RELN: variants seen among roughly 807,000 people sequenced by gnomAD.
The protein encoded by RELN is reelin.
A neutral mutation model predicts 427.6 loss-of-function variants in RELN; 108 were observed. The observed-to-expected ratio is 0.25, with a 90% CI of 0.22 to 0.30. The LOEUF is 0.30. RELN is among the 10% of genes least tolerant of loss of function. The pLI is 1.00. For synonymous variants in RELN, 1,524 were observed against 1,513.4 expected, an observed-to-expected ratio of 1.01 and a Z score of -0.16; for missense variants, 3,715 against 4,302.8, an observed-to-expected ratio of 0.86 and a Z score of 3.82.
At position 103,652,755 on chromosome 7, in the gene RELN, G is replaced by A. The variant is rs1406679442; in HGVS notation, c.1559C>T (p.Pro520Leu). Reference protein sequence around the residue: ...DTLSYSSYKVPSLVSVVINPE... With the variant: ...DTLSYSSYKVLSLVSVVINPE... The stretch of plus-strand genomic sequence containing the variant: ...ATTGATGACCACAGAAACCAAAGAC[G>A]GAACCTTTCAAACAAAGGAGACCAG... The change falls in exon 14 of 65, where the codon CCG (proline) becomes CTG (leucine). Residue 520 changes from proline (P) to leucine (L), a missense_variant. This residue lies in a region of RELN where 2,208 missense variants were observed against 2,361.7 expected (regional missense o/e 0.93). Transcript: ENST00000428762. 2 of 1,612,370 alleles carry A rather than the reference G, an allele frequency of 1.2e-6. No individual in the cohort carries two copies. The highest frequency in any genetic ancestry group is 2.2e-5 in the East Asian group (1 of 44,766).
rs1046846862 is a variant in RELN at position 103,622,296 on chromosome 7, A to G, written c.2702+7644T>C. Among the ~76,000 whole-genome samples the G allele has an allele frequency of 2.0e-5, 3 of 152,172 alleles. No individual in the cohort carries two copies. In the East Asian group the frequency reaches 5.8e-4, roughly 29 times the overall value. On this transcript the variant is annotated intron_variant, in intron 20 of 64. Coordinates refer to ENST00000428762, the MANE Select transcript of RELN (RefSeq NM_005045.4). ...TGGCCATTAAATTCATCCCTTAGGC[A>G]GGTCCTGATCATTACTACATCCTCT...
At chr7:103,749,914 A>G (rs1254697370) in intron 5 of RELN, among the ~76,000 whole-genome samples, 1 of 152,130 alleles carries the variant, frequency 6.6e-6, no homozygotes, top group South Asian at 2.1e-4. Flanking sequence ...GTGGGAGGTA[A>G]TTGAATCATG....
chr7:103,685,803 C>G (rs940380902), intron 10 of RELN, among the ~76,000 whole-genome samples: 1 of 151,996 alleles, frequency 6.6e-6, no homozygotes, highest in Non-Finnish European at 1.5e-5. Flanking sequence ...ACTTGAGAAG[C>G]AGAACACAGA....
chr7:103,613,389 T>C (rs1444744736), intron 20 of RELN, among the ~76,000 whole-genome samples: 1 of 152,180 alleles, frequency 6.6e-6, no homozygotes, highest in Non-Finnish European at 1.5e-5. Flanking sequence ...GTTAAAAATA[T>C]AAAACCATGA....
rs576242752 is a variant in RELN, at chr7:103,679,291, C to A, written c.1289+2825G>T. ...ACATAATGCCAACTTCATAGCTAGG[C>A]CACCAGATGACAACATGAATGAAGT... On this transcript the variant is annotated intron_variant, in intron 11 of 64. Coordinates refer to ENST00000428762, the MANE Select transcript of RELN (RefSeq NM_005045.4). Among the ~76,000 whole-genome samples, 9 of 152,294 alleles carry A rather than the reference C, an allele frequency of 5.9e-5. No individual in the cohort carries two copies. In the South Asian group the frequency reaches 1.9e-3, roughly 32 times the overall value.
chr7:103,940,639 G>A (rs1796092623), intron 1 of RELN, among the ~76,000 whole-genome samples: 1 of 152,144 alleles, frequency 6.6e-6, no homozygotes, highest in South Asian at 2.1e-4. Flanking sequence ...TGGCCTGGGA[G>A]CACCTTGAGG....
intron 46 of RELN, among the ~76,000 whole-genome samples, chr7:103,533,264 T>A (rs976719253): frequency 6.6e-6 from 1 of 152,252 alleles, no homozygotes. Context: ...CGTTTCTTTA[T>A]AGCGAAGAGC....
At chr7:103,605,786 G>A (rs1325712372) in intron 22 of RELN, among the ~76,000 whole-genome samples, 1 of 152,128 alleles carries the variant, frequency 6.6e-6, no homozygotes, top group Non-Finnish European at 1.5e-5. Flanking sequence ...GTACATAACA[G>A]ACTGTTAAAA....
At chr7:103,590,895 A>C (rs1309896342) in intron 27 of RELN, among the ~76,000 whole-genome samples, 2 of 152,354 alleles carry the variant, frequency 1.3e-5, no homozygotes, top group South Asian at 2.1e-4. Context: ...TCTGTTATAC[A>C]TAGCGTTGCA....
intron 1 of RELN, among the ~76,000 whole-genome samples, chr7:103,982,021 CCTGGT>C (rs1364643605): frequency 1.3e-5 from 2 of 152,032 alleles, no homozygotes; most frequent in African/African-American, 4.8e-5. Flanking sequence ...ACAAAAATTA[CCTGGT>C]CTAGTGGTGT....
At chr7:103,694,995 C>G (rs1463889349) in intron 10 of RELN, among the ~76,000 whole-genome samples, 2 of 151,826 alleles carry the variant, frequency 1.3e-5, no homozygotes, top group African/African-American at 4.8e-5. Context: ...GTAGGTTGAA[C>G]AAAAAATACA....
intron 17 of RELN, among the ~76,000 whole-genome samples, chr7:103,638,066 A>G (rs1340509487): frequency 7.1e-6 from 1 of 140,946 alleles, no homozygotes; most frequent in African/African-American, 2.8e-5. Flanking sequence ...TTTTTTAAAA[A>G]TATTTTTTAA....
intron 1 of RELN, among the ~76,000 whole-genome samples, chr7:103,965,057 T>A (rs1277110362): frequency 2.6e-5 from 4 of 152,232 alleles, no homozygotes; most frequent in Non-Finnish European, 5.9e-5. Flanking sequence ...TATAAAAAGG[T>A]AAAATTTAAT....
chr7:103,516,295 T>C (rs1829565259), intron 49 of RELN, among the ~76,000 whole-genome samples: 1 of 151,556 alleles, frequency 6.6e-6, no homozygotes, highest in Non-Finnish European at 1.5e-5. Context: ...TCTTTTTTTT[T>C]TTTTTTTGAG....
rs528774066 is a variant in RELN at position 103,782,903 on chromosome 7, T to C, written c.474-6276A>G. On this transcript the variant is annotated intron_variant, in intron 3 of 64. Coordinates refer to ENST00000428762, the MANE Select transcript of RELN (RefSeq NM_005045.4). ...CTTTTTCTATCTACTGCTTTGTTAATGAGGTCTGGTATATTAGTTGACTTG... is the reference window on the plus strand; with the variant it reads ...CTTTTTCTATCTACTGCTTTGTTAACGAGGTCTGGTATATTAGTTGACTTG... Among the ~76,000 whole-genome samples, 7 of 152,256 alleles carry C rather than the reference T, an allele frequency of 4.6e-5. No homozygotes were observed. In the South Asian group the frequency reaches 1.5e-3, roughly 32 times the overall value.
chr7:103,855,626 C>T (rs888609920), intron 2 of RELN, among the ~76,000 whole-genome samples: 2 of 152,166 alleles, frequency 1.3e-5, no homozygotes, highest in African/African-American at 4.8e-5. Context: ...AAGTGAGCGG[C>T]TTAAAGCAAC....
At chr7:103,670,647 G>C (rs895474072) in intron 11 of RELN, among the ~76,000 whole-genome samples, 22 of 151,852 alleles carry the variant, frequency 1.4e-4, no homozygotes, top group African/African-American at 5.3e-4. Context: ...CTTTTACTTT[G>C]CTCATTTTCT....
Position 103,565,452 on chromosome 7 carries a change from G to C in RELN, c.5036C>G (p.Ser1679Cys). The part of the protein sequence containing the change: ...SMGCSKPFSN[S>C]HSVQLQYSLN... ...AGAATACTGGAGCTGTACACTGTGGGAGTTGCTGAAGGGCTTGCTACAGCC... is the reference window on the plus strand; with the variant it reads ...AGAATACTGGAGCTGTACACTGTGGCAGTTGCTGAAGGGCTTGCTACAGCC... The change falls in exon 34 of 65, where the codon TCC (serine) becomes TGC (cysteine). Residue 1679 changes from serine (S) to cysteine (C), a missense_variant. Transcript: ENST00000428762. 1.2e-6 allele frequency: 2 copies of C among 1,613,886 alleles called. No individual in the cohort carries two copies. The highest frequency in any genetic ancestry group is 1.7e-6 in the Non-Finnish European group (2 of 1,179,910).
intron 3 of RELN, among the ~76,000 whole-genome samples, chr7:103,796,762 G>C (rs1459893378): frequency 6.6e-6 from 1 of 151,604 alleles, no homozygotes; most frequent in Non-Finnish European, 1.5e-5. Flanking sequence ...TCGGGAGGTT[G>C]AGGCAGAAGA....
Sources: gnomAD v4.1 joint callset for allele counts (sites outside exome capture counted in the v4.1 genomes callset) on GRCh38, gnomAD v4.1.1 for gene constraint, gnomAD v4.1.1 regional missense constraint, MANE v1.5 for transcripts, NCBI Gene and HGNC (gene_info 2026-07-23, HGNC 2026-07-21) for gene names.